Variants in PCDHGB1 observed in about 807,000 individuals in gnomAD.
The protein encoded by PCDHGB1 is protocadherin gamma-B1.
Under a neutral mutation model 56.6 loss-of-function variants are expected in PCDHGB1, and 34 were observed. That is an observed-to-expected ratio of 0.60 (90% CI 0.46 to 0.80). The LOEUF (loss-of-function observed/expected upper bound fraction) is 0.80, where lower values mean the gene tolerates loss of function less well. Ranked by LOEUF, PCDHGB1 falls within the 30% of genes least tolerant of loss-of-function variation. PCDHGB1 has a pLI of 0.00. For synonymous variants in PCDHGB1, 561 were observed against 505.9 expected (o/e 1.11, Z -1.46); for missense variants, 1,278 against 1,204.6 (o/e 1.06, Z -0.90).
chr5:141,415,017 G>A lies in PCDHGB1; in HGVS notation c.2409+62348G>A, dbSNP rs1344566574. ...CCTGGCTGTCCTACCGTCTGCTCAA[G>A]GCCAGCGAGCCGGGACTCTTCGCGG... On this transcript the variant is annotated intron_variant, in intron 1 of 3. Transcript: ENST00000523390. The A allele has an allele frequency of 1.9e-6, 3 of 1,613,574 alleles. No homozygotes were observed. In the Admixed American group the frequency reaches 5.0e-5, roughly 27 times the overall value.
chr5:141,394,537 T>C, intron 1 of PCDHGB1: 1 of 1,614,146 alleles, frequency 6.2e-7, no homozygotes, highest in Non-Finnish European at 8.5e-7. Flanking sequence ...TCCACTGGCG[T>C]GGAGCTGGCG....
intron 1 of PCDHGB1, among the ~76,000 whole-genome samples, chr5:141,368,592 A>G (rs1277512291): frequency 6.6e-6 from 1 of 152,198 alleles, no homozygotes; most frequent in Non-Finnish European, 1.5e-5. Context: ...TGTTTGGGAA[A>G]AAAGTAAAGG....
intron 1 of PCDHGB1, chr5:141,362,237 T>A (rs1381834832): frequency 1.2e-6 from 2 of 1,614,026 alleles, no homozygotes; most frequent in Non-Finnish European, 8.5e-7. Flanking sequence ...TTGATCTCAG[T>A]GCTCTTCTTC....
Position 141,486,200 on chromosome 5 carries a change from G to A in PCDHGB1, c.2410-8607G>A, listed in dbSNP as rs764874531. The stretch of plus-strand genomic sequence containing the variant: ...CAGCCTTCGAGTGGATCTGCTGGAC[G>A]TAAATGACAATGCCCCTTACATCAC... On this transcript the variant is annotated intron_variant, in intron 1 of 3. Transcript: ENST00000523390. The surrounding 1 kb of genome is among the most constrained non-coding windows in gnomAD (Gnocchi z 5.0). The A allele has an allele frequency of 2.0e-5, 32 of 1,614,096 alleles. No homozygotes were observed. Among genetic ancestry groups the A allele is most frequent in the Non-Finnish European group, 2.3e-5 (27 of 1,180,040 alleles).
chr5:141,401,017 T>C (rs2094103677), intron 1 of PCDHGB1, among the ~76,000 whole-genome samples: 3 of 152,226 alleles, frequency 2.0e-5, no homozygotes, highest in Admixed American at 2.0e-4. Context: ...AATGGATTTA[T>C]GATTTTTTGA....
Position 141,491,622 on chromosome 5 carries a change from C to T in PCDHGB1, c.2410-3185C>T, listed in dbSNP as rs980546113. 15 of 1,613,786 alleles carry T rather than the reference C, an allele frequency of 9.3e-6. No individual in the cohort carries two copies. Among genetic ancestry groups the T allele is most frequent in the Non-Finnish European group, 1.3e-5 (15 of 1,180,002 alleles). Reference sequence around the variant, plus strand: ...ACTTCACTTTTCTAAGACCCCTCAGCGTTCAGCAGCCCACAGCTCTGGCGC... The same window carrying T: ...ACTTCACTTTTCTAAGACCCCTCAGTGTTCAGCAGCCCACAGCTCTGGCGC... On this transcript the variant is annotated intron_variant, in intron 1 of 3. Transcript: ENST00000523390. This position sits in a 1 kb window ranked among gnomAD's most constrained non-coding sequence, Gnocchi z 6.9.
intron 1 of PCDHGB1, among the ~76,000 whole-genome samples, chr5:141,471,887 G>T (rs1215891997): frequency 6.6e-6 from 1 of 152,152 alleles, no homozygotes; most frequent in African/African-American, 2.4e-5. Context: ...CTGAAGCTAG[G>T]AAGATTGACT....
chr5:141,385,268 C>A (rs1561607524), intron 1 of PCDHGB1: 3 of 1,613,616 alleles, frequency 1.9e-6, no homozygotes, highest in South Asian at 2.2e-5. Context: ...AAAAATGATT[C>A]TTTGCTAACA....
rs151297289 is a variant in PCDHGB1, at chr5:141,381,401, A to G, written c.2409+28732A>G. Among the ~76,000 whole-genome samples the G allele has an allele frequency of 6.6e-4, 101 of 152,344 alleles. 2 individuals are homozygous for G. The highest frequency in any genetic ancestry group is 2.3e-3 in the African/African-American group (97 of 41,586). On this transcript the variant is annotated intron_variant, in intron 1 of 3. Transcript: ENST00000523390. ...TCAATAATTTAGTTTTACTCTATCA[A>G]CATCAGTGGAGAGACGAGTACCTCT...
intron 1 of PCDHGB1, chr5:141,422,035 C>A: frequency 6.2e-7 from 1 of 1,611,086 alleles, no homozygotes; most frequent in South Asian, 1.1e-5. Flanking sequence ...TGCAACGGAT[C>A]CAGACGAGGG....
chr5:141,356,651 A>G (rs1457721502), intron 1 of PCDHGB1: 1 of 1,614,048 alleles, frequency 6.2e-7, no homozygotes, highest in African/African-American at 1.3e-5. Flanking sequence ...AGTGGTGACA[A>G]TGCCCGAATC....
At chr5:141,391,727 TTTGTAGTCATACTTA>T (rs1212107227) in intron 1 of PCDHGB1, 1 of 152,206 alleles carries the variant, frequency 6.6e-6, no homozygotes. Context: ...AACAGACTTT[TTTGTAGTCATACTTA>T]TCCTTTGGCT....
chr5:141,393,484 G>A, intron 1 of PCDHGB1: 1 of 1,614,058 alleles, frequency 6.2e-7, no homozygotes, highest in Non-Finnish European at 8.5e-7. Context: ...CCTCGCTCTA[G>A]CACAGTGCGC....
rs775132338 is a variant in PCDHGB1 at position 141,490,858 on chromosome 5, G to A, written c.2410-3949G>A. On this transcript the variant is annotated intron_variant, in intron 1 of 3. Coordinates refer to ENST00000523390, the MANE Select transcript of PCDHGB1 (RefSeq NM_018922.3). This position sits in a 1 kb window ranked among gnomAD's most constrained non-coding sequence, Gnocchi z 5.4. Reference sequence around the variant, plus strand: ...GATTGTGGTGGGGGTTCGAGACTCCGGCTCTCCCCCATTGCATGCCAACAC... The same window carrying A: ...GATTGTGGTGGGGGTTCGAGACTCCAGCTCTCCCCCATTGCATGCCAACAC... 14 of 1,613,704 alleles carry A rather than the reference G, an allele frequency of 8.7e-6. No homozygotes were observed. Among genetic ancestry groups the A allele is most frequent in the South Asian group, 2.2e-5 (2 of 91,068 alleles).
chr5:141,360,389 T>C (rs1241447877), intron 1 of PCDHGB1: 1 of 1,613,908 alleles, frequency 6.2e-7, no homozygotes, highest in East Asian at 2.2e-5. Flanking sequence ...GGAGACTTAC[T>C]TGTGAGTGAC....
chr5:141,493,289 C>A lies in PCDHGB1; in HGVS notation c.2410-1518C>A, dbSNP rs925045650. On this transcript the variant is annotated intron_variant, in intron 1 of 3. Coordinates refer to ENST00000523390, the MANE Select transcript of PCDHGB1 (RefSeq NM_018922.3). This position sits in a 1 kb window ranked among gnomAD's most constrained non-coding sequence, Gnocchi z 4.3. The stretch of plus-strand genomic sequence containing the variant: ...CTTCACAGAGGTCAAGTGACTTGCT[C>A]AAGTTCACAGAGCAAGTAAGAGAGA... 6.6e-6 allele frequency among the ~76,000 whole-genome samples: 1 copy of A among 152,176 alleles called. No individual in the cohort carries two copies. Among genetic ancestry groups the A allele is most frequent in the East Asian group, 1.9e-4 (1 of 5,194 alleles).
rs1394484191 is a variant in PCDHGB1 at position 141,486,006 on chromosome 5, C to T, written c.2410-8801C>T. The T allele has an allele frequency of 6.2e-7, 1 of 1,614,190 alleles. No individual in the cohort carries two copies. Among genetic ancestry groups the T allele is most frequent in the Non-Finnish European group, 8.5e-7 (1 of 1,180,026 alleles). Reference sequence around the variant, plus strand: ...GACCTGGGTCCCAGTGGTAACGTCACCTTTTATTTCAGTGGTCATACCCCT... The same window carrying T: ...GACCTGGGTCCCAGTGGTAACGTCATCTTTTATTTCAGTGGTCATACCCCT... On this transcript the variant is annotated intron_variant, in intron 1 of 3. Coordinates refer to ENST00000523390, the MANE Select transcript of PCDHGB1 (RefSeq NM_018922.3). This position sits in a 1 kb window ranked among gnomAD's most constrained non-coding sequence, Gnocchi z 5.0.
intron 1 of PCDHGB1, among the ~76,000 whole-genome samples, chr5:141,463,844 G>A (rs545618795): frequency 1.3e-5 from 2 of 152,258 alleles, no homozygotes; most frequent in East Asian, 3.9e-4. Context: ...AGTTGTTATA[G>A]TGGTATATCT....
intron 1 of PCDHGB1, among the ~76,000 whole-genome samples, chr5:141,436,410 G>T (rs2154557099): frequency 6.6e-6 from 1 of 152,200 alleles, no homozygotes; most frequent in East Asian, 1.9e-4. Flanking sequence ...TTGAATGAAT[G>T]GATAAACAAA....
Sources: gnomAD v4.1 joint callset for allele counts (sites outside exome capture counted in the v4.1 genomes callset) on GRCh38, gnomAD v4.1.1 for gene constraint, Gnocchi (gnomAD v3.1) non-coding constraint, MANE v1.5 for transcripts, NCBI Gene and HGNC (gene_info 2026-07-23, HGNC 2026-07-21) for gene names.